Variants in PTPN12 observed in about 807,000 individuals in gnomAD.
The protein encoded by PTPN12 is tyrosine-protein phosphatase non-receptor type 12.
A neutral mutation model predicts 97.6 loss-of-function variants in PTPN12; 29 were observed. That is an observed-to-expected ratio of 0.30 (90% CI 0.22 to 0.41). The LOEUF (loss-of-function observed/expected upper bound fraction) is 0.41, where lower values mean the gene tolerates loss of function less well. PTPN12 is among the 10% of genes least tolerant of loss of function. The pLI is 1.00. For missense variants in PTPN12, 819 were observed against 926.0 expected, an observed-to-expected ratio of 0.88 and a Z score of 1.50; for synonymous variants, 327 against 300.4, an observed-to-expected ratio of 1.09 and a Z score of -0.91.
intron 12 of PTPN12, among the ~76,000 whole-genome samples, chr7:77,624,893 CG>C (rs768463378): frequency 2.0e-5 from 3 of 151,276 alleles, no homozygotes; most frequent in African/African-American, 7.3e-5. Flanking sequence ...CAGCACTTTG[CG>C]GGGGCCGAGG....
At chr7:77,589,179 C>A (rs942763587) in intron 5 of PTPN12, among the ~76,000 whole-genome samples, 4 of 152,140 alleles carry the variant, frequency 2.6e-5, no homozygotes, top group African/African-American at 7.2e-5. Context: ...ATCCACCGCA[C>A]CAGGCCTGAA....
At chr7:77,638,937 C>A in intron 17 of PTPN12, 4 of 933,588 alleles carry the variant, frequency 4.3e-6, no homozygotes, top group Non-Finnish European at 5.9e-6. Context: ...TATAAAAAAT[C>A]TTTTGTGTTG....
chr7:77,577,062 T>C (rs905390585), intron 2 of PTPN12, among the ~76,000 whole-genome samples: 3 of 152,216 alleles, frequency 2.0e-5, no homozygotes, highest in Admixed American at 1.3e-4. Flanking sequence ...TTTGAAATCA[T>C]GCATTTGTTC....
At chr7:77,538,429 C>G (rs1049385366) in intron 1 of PTPN12, among the ~76,000 whole-genome samples, 4 of 142,872 alleles carry the variant, frequency 2.8e-5, no homozygotes, top group Non-Finnish European at 4.5e-5. Flanking sequence ...GTGACTATCA[C>G]TTCCTATCCG....
chr7:77,585,968 T>C (rs181397459), intron 5 of PTPN12, among the ~76,000 whole-genome samples: 2 of 152,330 alleles, frequency 1.3e-5, no homozygotes, highest in East Asian at 3.9e-4. Context: ...TTTTTTATTT[T>C]TTCTAGACAG....
intron 9 of PTPN12, among the ~76,000 whole-genome samples, chr7:77,609,087 G>A (rs1383480045): frequency 2.0e-5 from 3 of 152,018 alleles, no homozygotes; most frequent in South Asian, 2.1e-4. Flanking sequence ...AGGCGTGGTG[G>A]CCGGCGCCTG....
chr7:77,556,532 C>T (rs554966642), intron 1 of PTPN12, among the ~76,000 whole-genome samples: 8 of 152,224 alleles, frequency 5.3e-5, no homozygotes, highest in South Asian at 2.1e-4. Flanking sequence ...ATCATTTCTC[C>T]GCAGGGCAGA....
chr7:77,639,231 G>A lies in PTPN12; in HGVS notation c.2294G>A (p.Arg765Gln), dbSNP rs1789713029. ...TEATDIGFGN[R>Q]CGKPKGPRDP... ...GTTTTCACTGTAGGTTTTGGTAATCGATGTGGAAAACCCAAAGGACCAAGA... is the reference window on the plus strand; with the variant it reads ...GTTTTCACTGTAGGTTTTGGTAATCAATGTGGAAAACCCAAAGGACCAAGA... The change falls in exon 18 of 18, where the codon CGA (arginine) becomes CAA (glutamine). Residue 765 changes from arginine to glutamine, a missense_variant. This residue lies in a region of PTPN12 where 607 missense variants were observed against 577.3 expected (regional missense o/e 1.05). Coordinates refer to ENST00000248594, the MANE Select transcript of PTPN12 (RefSeq NM_002835.4). The A allele has an allele frequency of 1.2e-6, 2 of 1,611,898 alleles. No homozygotes were observed. Among genetic ancestry groups the A allele is most frequent in the Non-Finnish European group, 1.7e-6 (2 of 1,178,882 alleles).
At chr7:77,581,899 TTTC>T (rs1787527344) in intron 3 of PTPN12, among the ~76,000 whole-genome samples, 1 of 152,118 alleles carries the variant, frequency 6.6e-6, no homozygotes, top group Non-Finnish European at 1.5e-5. Flanking sequence ...TTTTGAATAA[TTTC>T]TTAGGATAAA....
At chr7:77,628,935 G>C (rs1386959282) in intron 13 of PTPN12, among the ~76,000 whole-genome samples, 1 of 152,116 alleles carries the variant, frequency 6.6e-6, no homozygotes, top group African/African-American at 2.4e-5. Context: ...ACTTGAGAGA[G>C]TGTATTTGGT....
intron 4 of PTPN12, among the ~76,000 whole-genome samples, chr7:77,584,311 G>C (rs7806750): frequency 0.72 from 109,962 of 152,052 alleles, 41,158 homozygotes; most frequent in East Asian, 0.9. Flanking sequence ...GCATTGACAT[G>C]CTCTGGTCTT....
intron 1 of PTPN12, among the ~76,000 whole-genome samples, chr7:77,546,609 G>GTTT (rs1807229092): frequency 6.6e-6 from 1 of 152,266 alleles, no homozygotes; most frequent in Non-Finnish European, 1.5e-5. Context: ...GAAGCAAACA[G>GTTT]TAGTTGCTCC....
chr7:77,621,916 G>A (rs1299044037), intron 12 of PTPN12, among the ~76,000 whole-genome samples: 2 of 152,176 alleles, frequency 1.3e-5, no homozygotes. Flanking sequence ...AACGTCACAT[G>A]ACTGTACATG....
chr7:77,612,638 A>G (rs541332994), intron 11 of PTPN12, among the ~76,000 whole-genome samples: 134 of 151,956 alleles, frequency 8.8e-4, no homozygotes, highest in Non-Finnish European at 1.6e-3. Context: ...GAGTTTGTCC[A>G]TGTTGGTCAG....
At chr7:77,631,986 G>A (rs1474719773) in intron 13 of PTPN12, among the ~76,000 whole-genome samples, 12 of 152,256 alleles carry the variant, frequency 7.9e-5, no homozygotes, top group Admixed American at 4.6e-4. Context: ...TGGCTTAGGC[G>A]TTTCATAACG....
intron 6 of PTPN12, among the ~76,000 whole-genome samples, chr7:77,593,329 C>G (rs1186394047): frequency 1.3e-5 from 2 of 151,818 alleles, no homozygotes; most frequent in African/African-American, 4.8e-5. Context: ...GAAGCAGAAC[C>G]AATAGAATAA....
chr7:77,583,390 A>G lies in PTPN12; in HGVS notation c.286-165A>G, dbSNP rs182097847. Among the ~76,000 whole-genome samples the G allele has an allele frequency of 3.3e-5, 5 of 152,354 alleles. No homozygotes were observed. The East Asian group carries it at 9.6e-4, about 29-fold the overall frequency. ...AGTCATCAAAAGCTTAAGTGAATTGAATATATTTTGCCATGCTTTAATATA... is the reference window on the plus strand; with the variant it reads ...AGTCATCAAAAGCTTAAGTGAATTGGATATATTTTGCCATGCTTTAATATA... On this transcript the variant is annotated intron_variant, in intron 3 of 17. Coordinates refer to ENST00000248594, the MANE Select transcript of PTPN12 (RefSeq NM_002835.4).
At chr7:77,594,026 G>C (rs1289508166) in intron 6 of PTPN12, among the ~76,000 whole-genome samples, 1 of 152,170 alleles carries the variant, frequency 6.6e-6, no homozygotes, top group Non-Finnish European at 1.5e-5. Flanking sequence ...GGACAGGACT[G>C]TATCTGTATT....
intron 1 of PTPN12, among the ~76,000 whole-genome samples, chr7:77,541,784 T>C (rs1027901993): frequency 6.6e-6 from 1 of 152,182 alleles, no homozygotes; most frequent in Non-Finnish European, 1.5e-5. Flanking sequence ...TTGTGCCCCA[T>C]ACTGTTAAAG....
Sources: gnomAD v4.1 joint callset for allele counts (sites outside exome capture counted in the v4.1 genomes callset) on GRCh38, gnomAD v4.1.1 for gene constraint, gnomAD v4.1.1 regional missense constraint, MANE v1.5 for transcripts, NCBI Gene and HGNC (gene_info 2026-07-23, HGNC 2026-07-21) for gene names.